PLEKHG5: variants seen among roughly 807,000 people sequenced by gnomAD.
PLEKHG5 encodes pleckstrin homology and RhoGEF domain containing G5, also known as pleckstrin homology domain-containing family G member 5.
PLEKHG5 carries 52 observed loss-of-function variants against 103.8 expected under a neutral mutation model. That is an observed-to-expected ratio of 0.50 (90% CI 0.40 to 0.63). The LOEUF (loss-of-function observed/expected upper bound fraction) is 0.63, where lower values mean the gene tolerates loss of function less well. Among genes scored for constraint, PLEKHG5 ranks in the 30% least tolerant of loss-of-function variants. PLEKHG5 has a pLI of 0.00. For synonymous variants in PLEKHG5, 592 were observed against 575.5 expected (o/e 1.03, Z -0.41); for missense variants, 1,205 against 1,347.6 (o/e 0.89, Z 1.66).
rs993754184 is a variant in PLEKHG5 at position 6,475,078 on chromosome 1, T to A, written c.271A>T (p.Ile91Phe). The change falls in exon 5 of 21, where the codon ATC (isoleucine) becomes TTC (phenylalanine). Residue 91 changes from isoleucine (I) to phenylalanine (F), a missense_variant. Physicochemically the swap from Ile to Phe is conservative, Grantham distance 21. Coordinates refer to ENST00000377728, the MANE Select transcript of PLEKHG5 (RefSeq NM_020631.6). ...FDLNVDIETE[I>F]VPAMKKKSLG... is the part of the protein sequence containing the mutation. ...GACTTCTTCTTCATGGCTGGGACGA[T>A]CTCTGTCTCAATGTCCACATTCAGG... 7.4e-6 allele frequency: 12 copies of A among 1,611,380 alleles called. No individual in the cohort carries two copies. The highest frequency in any genetic ancestry group is 1.3e-5 in the African/African-American group (1 of 74,854).
At position 6,468,529 on chromosome 1, in the gene PLEKHG5, C is replaced by T. The variant is rs3138150; in HGVS notation, c.2307G>A (p.Thr769=). Residue 769 remains threonine (T), a synonymous_variant, in exon 20 of 21, where the codon ACG becomes ACA. Coordinates refer to ENST00000377728, the MANE Select transcript of PLEKHG5 (RefSeq NM_020631.6). The part of the protein sequence containing the change: ...LAMVVVEPGD[T]LSSPEFDSGP... Reference sequence around the variant, plus strand: ...CGCTGTCGAACTCGGGGGAGGACAGCGTGTCCCCAGGCTCTACCACAACCA... The same window carrying T: ...CGCTGTCGAACTCGGGGGAGGACAGTGTGTCCCCAGGCTCTACCACAACCA... The T allele has an allele frequency of 0.056, 90,128 of 1,612,618 alleles. 2,660 individuals carry two copies. Among genetic ancestry groups the T allele is most frequent in the Middle Eastern group, 0.085 (517 of 6,062 alleles).
chr1:6,493,432 T>C (rs1165892599), upstream of PLEKHG5, among the ~76,000 whole-genome samples: 1 of 152,198 alleles, frequency 6.6e-6, no homozygotes, highest in East Asian at 1.9e-4. Flanking sequence ...AATAGGGCTC[T>C]TGATCAGACA....
chr1:6,470,639 C>T lies in PLEKHG5; in HGVS notation c.1547G>A (p.Gly516Asp), dbSNP rs752365817. The T allele has an allele frequency of 1.4e-5, 22 of 1,571,740 alleles. No homozygotes were observed. Among genetic ancestry groups the T allele is most frequent in the Non-Finnish European group, 1.9e-5 (22 of 1,164,498 alleles). ...RAKEAVVAMI[G>D]SVERFIHHVN... The stretch of plus-strand genomic sequence containing the variant: ...GTGGTGGATGAAGCGCTCCACGGAG[C>T]CGATCTAGGGGCAGGTGAGGGAGCT... The change falls in exon 15 of 21, where the codon GGC (glycine) becomes GAC (aspartate). Residue 516 changes from glycine (G) to aspartate (D), a missense_variant. Gly to Asp is a moderately conservative substitution (Grantham distance 94). Transcript: ENST00000377728.
At position 6,473,339 on chromosome 1, in the gene PLEKHG5, G is replaced by A. The variant is rs1180691543; in HGVS notation, c.707C>T (p.Thr236Ile). 1.9e-6 allele frequency: 3 copies of A among 1,556,542 alleles called. No individual in the cohort carries two copies. The South Asian group carries it at 3.5e-5, about 18-fold the overall frequency. Residue 236 changes from threonine (T) to isoleucine (I), a missense_variant, in exon 8 of 21, where the codon ACC becomes ATC. Thr to Ile is a moderately conservative substitution (Grantham distance 89). Transcript: ENST00000377728. ...GTTCTTCCAGCTGTCGCCAGTGTTG[G>A]TGCTGCCACTGCTGCCGCTGGGCAG... ...CSLPSGSSGS[T>I]NTGDSWKNRA...
chr1:6,516,848 A>G (rs868752586), intron 1 of PLEKHG5, among the ~76,000 whole-genome samples: 23 of 123,478 alleles, frequency 1.9e-4, no homozygotes, highest in South Asian at 5.4e-4. Context: ...GTATATATAT[A>G]TGTGTGTGTA....
chr1:6,507,030 T>C (rs1426062914), intron 1 of PLEKHG5, among the ~76,000 whole-genome samples: 1 of 151,876 alleles, frequency 6.6e-6, no homozygotes, highest in Non-Finnish European at 1.5e-5. Flanking sequence ...GAAAGAACCA[T>C]GAGAAGAAGA....
At chr1:6,472,693 C>T in intron 9 of PLEKHG5, 71 bp from the exon 10 acceptor site, 1 of 1,086,440 alleles carries the variant, frequency 9.2e-7, no homozygotes, top group Non-Finnish European at 1.4e-6. Flanking sequence ...GGATAAGCAA[C>T]CTGCATGCAA....
chr1:6,467,808 C>T lies in PLEKHG5; in HGVS notation c.3011+17G>A. The T allele has an allele frequency of 6.2e-7, 1 of 1,612,628 alleles. No individual in the cohort carries two copies. Among genetic ancestry groups the T allele is most frequent in the East Asian group, 2.2e-5 (1 of 44,866 alleles). On this transcript the variant is annotated intron_variant, in intron 20 of 20. Coordinates refer to ENST00000377728, the MANE Select transcript of PLEKHG5 (RefSeq NM_020631.6). ...GTGCCCTGAGCCACCTGCCCTACCC[C>T]AGTCCAGGCCACTCACGAGGCAGTG...
Position 6,471,770 on chromosome 1 carries a change from C to A in PLEKHG5, c.1119G>T (p.Gly373=). The change falls in exon 11 of 21, where the codon GGG becomes GGT. Residue 373 remains glycine, a synonymous_variant. Transcript: ENST00000377728. ...LCCLLNLQES[G]LLCEVEAERL... Reference sequence around the variant, plus strand: ...AATCCCAGCGCACCTCACACAGCAGCCCTGACTCTTGCAGGTTCAGGAGGC... The same window carrying A: ...AATCCCAGCGCACCTCACACAGCAGACCTGACTCTTGCAGGTTCAGGAGGC... The A allele has an allele frequency of 3.1e-6, 5 of 1,610,562 alleles. No homozygotes were observed. The highest frequency in any genetic ancestry group is 3.4e-6 in the Non-Finnish European group (4 of 1,178,656).
upstream of PLEKHG5, among the ~76,000 whole-genome samples, chr1:6,495,577 TCA>T (rs1348208857): frequency 6.6e-6 from 1 of 152,180 alleles, no homozygotes; most frequent in African/African-American, 2.4e-5. Context: ...TGAGTGAGCC[TCA>T]GTTTCCCCAT....
In PLEKHG5 at chr1:6,490,490, G is replaced by A. The variant is rs1645129789; in HGVS notation, c.-88+1147C>T. The A allele has an allele frequency of 1.0e-6, 1 of 952,556 alleles. No individual in the cohort carries two copies. The highest frequency in any genetic ancestry group is 6.3e-5 in the Admixed American group (1 of 15,900). 59.0% of individuals were successfully genotyped at this position (952,556 alleles called of 1,614,324 possible). On this transcript the variant is annotated intron_variant, in intron 1 of 20. Transcript: ENST00000377728. The surrounding 1 kb of genome is among the most constrained non-coding windows in gnomAD (Gnocchi z 8.0). Reference sequence around the variant, plus strand: ...TCCTCCCCGGTGTCTAAGGCTCTAAGGCTCGGGCCGAGACTGCCAAAGCCT... The same window carrying A: ...TCCTCCCCGGTGTCTAAGGCTCTAAAGCTCGGGCCGAGACTGCCAAAGCCT...
upstream of PLEKHG5, chr1:6,497,305 C>T: frequency 9.0e-7 from 1 of 1,105,062 alleles, no homozygotes; most frequent in Non-Finnish European, 1.3e-6. This position sits in a 1 kb window ranked among gnomAD's most constrained non-coding sequence, Gnocchi z 6.1. Flanking sequence ...CCGCCGGGTC[C>T]CCGCCTGCAC....
Position 6,475,381 on chromosome 1 carries a change from C to G in PLEKHG5, c.210+81G>C, listed in dbSNP as rs778074028. On this transcript the variant is annotated intron_variant, in intron 4 of 20. Coordinates refer to ENST00000377728, the MANE Select transcript of PLEKHG5 (RefSeq NM_020631.6). The stretch of plus-strand genomic sequence containing the variant: ...CCTGGGATGCAGACCTCCCCACCCC[C>G]ATCCCGGAGGAAGGCCCAGGCTCGG... 4.6e-4 allele frequency: 570 copies of G among 1,233,960 alleles called. 4 individuals are homozygous for G. In the Middle Eastern group the frequency reaches 9.9e-3, roughly 22 times the overall value. 76.4% of individuals were successfully genotyped at this position (1,233,960 alleles called of 1,614,324 possible). A position where few individuals can be genotyped will look rare whatever the true frequency, so the allele number is the denominator to read the frequency against.
At chr1:6,484,153 T>C (rs144401555) in intron 1 of PLEKHG5, among the ~76,000 whole-genome samples, 1 of 152,310 alleles carries the variant, frequency 6.6e-6, no homozygotes, top group Non-Finnish European at 1.5e-5. Flanking sequence ...GACAGCAGAT[T>C]TGATACCCTG....
chr1:6,499,365 C>A (rs928446537), upstream of PLEKHG5, among the ~76,000 whole-genome samples: 1 of 152,220 alleles, frequency 6.6e-6, no homozygotes, highest in African/African-American at 2.4e-5. Flanking sequence ...CTTCCTGGCA[C>A]TGGGGTCTAC....
rs568471834 is a variant in PLEKHG5 at position 6,505,291 on chromosome 1, G to A, written c.-164-8722C>T. 3.3e-5 allele frequency among the ~76,000 whole-genome samples: 5 copies of A among 152,034 alleles called. No individual in the cohort carries two copies. The East Asian group carries it at 7.8e-4, about 24-fold the overall frequency. On this transcript the variant is annotated intron_variant, in intron 1 of 21. Coordinates refer to the PLEKHG5 transcript ENST00000377740. This position sits in a 1 kb window ranked among gnomAD's most constrained non-coding sequence, Gnocchi z 4.2. ...CAGCCTACAGTACCGACCAGCCCAC[G>A]ATGCCGACCAGCCTACGGTGCCGAC...
chr1:6,483,444 C>T (rs567444288), intron 1 of PLEKHG5, among the ~76,000 whole-genome samples: 13 of 152,296 alleles, frequency 8.5e-5, no homozygotes, highest in Non-Finnish European at 1.5e-4. Context: ...CTTAATCTAT[C>T]GTAAAACAAA....
At chr1:6,493,425 A>G (rs1645179174), upstream of PLEKHG5, among the ~76,000 whole-genome samples, 1 of 152,198 alleles carries the variant, frequency 6.6e-6, no homozygotes, top group Non-Finnish European at 1.5e-5. Flanking sequence ...GAGTAAGAAT[A>G]GGGCTCTTGA....
At position 6,476,028 on chromosome 1, in the gene PLEKHG5, G is replaced by A. The variant is rs775869385; in HGVS notation, c.52C>T (p.Leu18=). 5 of 1,613,056 alleles carry A rather than the reference G, an allele frequency of 3.1e-6. No homozygotes were observed. The South Asian group carries it at 4.4e-5, about 14-fold the overall frequency. Residue 18 remains leucine, a synonymous_variant, in exon 3 of 21, where the codon CTG becomes TTG. Coordinates refer to ENST00000377728, the MANE Select transcript of PLEKHG5 (RefSeq NM_020631.6). ...RFDLPPQGSV[L]ARNVSTRSCP... is the part of the protein sequence containing the mutation. The stretch of plus-strand genomic sequence containing the variant: ...GACCGGGTGGACACGTTCCGGGCCA[G>A]CACAGAGCCTTGGGAGAAAGCAGGA...
Sources: gnomAD v4.1 joint callset for allele counts (sites outside exome capture counted in the v4.1 genomes callset) on GRCh38, gnomAD v4.1.1 for gene constraint, Gnocchi (gnomAD v3.1) non-coding constraint, MANE v1.5 for transcripts, NCBI Gene and HGNC (gene_info 2026-07-23, HGNC 2026-07-21) for gene names.